GAS6: variants seen among roughly 807,000 people sequenced by gnomAD.
The protein encoded by GAS6 is growth arrest-specific protein 6.
A neutral mutation model predicts 75.8 loss-of-function variants in GAS6; 41 were observed. The observed-to-expected ratio is 0.54, with a 90% confidence interval of 0.42 to 0.70. The LOEUF (loss-of-function observed/expected upper bound fraction) is 0.70. Among genes scored for constraint, GAS6 ranks in the 30% least tolerant of loss-of-function variants. The pLI, the probability that GAS6 is intolerant of heterozygous loss-of-function variation, is 0.00. For synonymous variants in GAS6, 432 were observed against 412.6 expected, an observed-to-expected ratio of 1.05 and a Z score of -0.57; for missense variants, 854 against 940.2, an observed-to-expected ratio of 0.91 and a Z score of 1.20.
rs2051486861 is a variant in GAS6, at chr13:113,823,403, T to TA, written c.1624dup (p.Tyr542LeufsTer44). 2 of 1,611,860 alleles carry TA rather than the reference T, an allele frequency of 1.2e-6. No homozygotes were observed. The highest frequency in any genetic ancestry group is 2.7e-5 in the African/African-American group (2 of 74,912). On this transcript the variant is annotated frameshift_variant, in exon 13 of 15. Coordinates refer to ENST00000327773, the MANE Select transcript of GAS6 (RefSeq NM_000820.4). ...CTTCTTGAGTTTCTTCGTGGAGTGA[T>TA]AGTCTACCAGTGCCACAGAGAGAGG...
At chr13:113,834,488 G>A in intron 8 of GAS6, 63 bp downstream of exon 8, 1 of 1,414,530 alleles carries the variant, frequency 7.1e-7, no homozygotes, top group Non-Finnish European at 9.3e-7. Flanking sequence ...TCTCCCGAAA[G>A]CCCCCACCGG....
intron 6 of GAS6, 172 bp from the exon 7 acceptor site, chr13:113,835,807 C>G (rs970545454): frequency 7.0e-7 from 1 of 1,428,048 alleles, no homozygotes; most frequent in African/African-American, 1.4e-5. Context: ...CGGGCAGCTC[C>G]CGGGGTGTTG....
At chr13:113,835,412 C>T in intron 7 of GAS6, 101 bp downstream of exon 7, 1 of 1,383,124 alleles carries the variant, frequency 7.2e-7, no homozygotes, top group East Asian at 2.3e-5. Flanking sequence ...TTTCTTTCAC[C>T]AGAAGCACCC....
At position 113,823,547 on chromosome 13, in the gene GAS6, C is replaced by T. The variant is rs1197317332; in HGVS notation, c.1481G>A (p.Arg494Gln). ...GFAFYSLDYM[R>Q]TPLDVGTEST... ...TTCAGTCCCGACGTCCAGAGGGGTC[C>T]GCACTGCAATGAAAGCGGTGCATTA... Residue 494 changes from arginine to glutamine, a missense_variant, in exon 13 of 15, where the codon CGG becomes CAG. Physicochemically the swap from Arg to Gln is conservative, Grantham distance 43 (BLOSUM62 1). Transcript: ENST00000327773. 20 of 1,609,500 alleles carry T rather than the reference C, an allele frequency of 1.2e-5. No homozygotes were observed. The highest frequency in any genetic ancestry group is 3.3e-4 in the Middle Eastern group (2 of 6,040).
chr13:113,858,795 CTGTA>C (rs777518136), intron 2 of GAS6, among the ~76,000 whole-genome samples: 85 of 138,066 alleles, frequency 6.2e-4, no homozygotes, highest in East Asian at 5.8e-3. Flanking sequence ...ATGTCTGTGA[CTGTA>C]TGTATGTCTA....
chr13:113,839,848 G>C lies in GAS6; in HGVS notation c.346C>G (p.Leu116Val), dbSNP rs1204277796. 7.4e-6 allele frequency: 12 copies of C among 1,613,664 alleles called. No homozygotes were observed. The highest frequency in any genetic ancestry group is 1.3e-5 in the African/African-American group (1 of 74,934). Residue 116 changes from leucine to valine, a missense_variant and splice_region_variant, in exon 5 of 15, where the codon CTG becomes GTG. By Grantham distance (32) the Leu-to-Val change is conservative. Coordinates refer to ENST00000327773, the MANE Select transcript of GAS6 (RefSeq NM_000820.4). ...NSGFATCVQN[L>V]PDQCTPNPCD... The stretch of plus-strand genomic sequence containing the variant: ...GGGTTGGGCGTGCACTGGTCAGGCA[G>C]GTCTGATTGGGGACACAAAGTGGAA...
rs1360831025 is a variant in GAS6, at chr13:113,820,622, TAGAG to T, written c.*238_*241del. On this transcript the variant is annotated 3_prime_UTR_variant, in exon 15 of 15. Transcript: ENST00000327773. ...AAGAAGCGCTTGGTAATAAAAATAA[TAGAG>T]AATTATTTTCTTCGAGCCCGCTCTG... 2.1e-6 allele frequency: 1 copy of T among 486,978 alleles called. No homozygotes were observed. The highest frequency in any genetic ancestry group is 1.9e-5 in the African/African-American group (1 of 52,708). 30.2% of individuals were successfully genotyped at this position (486,978 alleles called of 1,614,324 possible).
chr13:113,823,199 A>G, intron 13 of GAS6, 176 bp downstream of exon 13: 1 of 640,596 alleles, frequency 1.6e-6, no homozygotes. Context: ...TGTCCAAACA[A>G]CCCCCGCAGC....
At chr13:113,829,833 G>T (rs1441508237) in intron 10 of GAS6, among the ~76,000 whole-genome samples, 1 of 149,398 alleles carries the variant, frequency 6.7e-6, no homozygotes, top group Non-Finnish European at 1.5e-5. Flanking sequence ...CTGACCTCGG[G>T]GAGACCACCT....
At position 113,835,525 on chromosome 13, in the gene GAS6, T is replaced by C; in HGVS notation, c.700A>G (p.Lys234Glu). Residue 234 changes from lysine (K) to glutamate (E), a missense_variant, in exon 7 of 15, where the codon AAG (lysine) becomes GAG (glutamate). By Grantham distance (56) the Lys-to-Glu change is moderately conservative. Transcript: ENST00000327773. ...DEGFAYSSQE[K>E]ACRDVDECLQ... Reference sequence around the variant, plus strand: ...GTGGCGTGGGTACCTCGGCAAGCCTTCTCCTGGGAGCTGTACGCAAAGCCC... The same window carrying C: ...GTGGCGTGGGTACCTCGGCAAGCCTCCTCCTGGGAGCTGTACGCAAAGCCC... 2 of 1,612,256 alleles carry C rather than the reference T, an allele frequency of 1.2e-6. No homozygotes were observed. The highest frequency in any genetic ancestry group is 1.7e-6 in the Non-Finnish European group (2 of 1,179,730).
intron 6 of GAS6, 125 bp from the exon 7 acceptor site, chr13:113,835,760 G>A (rs775381311): frequency 2.2e-5 from 33 of 1,484,722 alleles, no homozygotes; most frequent in African/African-American, 1.3e-4. Flanking sequence ...TGGGGCCAGC[G>A]CGCCCTGGCC....
chr13:113,841,146 G>A (rs7337498), intron 4 of GAS6: 36,961 of 152,180 alleles, frequency 0.24, 4,736 homozygotes, highest in South Asian at 0.38. Flanking sequence ...TGCAGGAGCC[G>A]CTTCCATCCC....
chr13:113,863,576 G>C lies in GAS6; in HGVS notation c.254C>G (p.Thr85Arg). ...AREVFENDPE[T>R]DYFYPRYLDC... ...GCATCCCGCCCGCCGGCTGCTCACC[G>C]TCTCGGGGTCGTTCTCGAACACCTC... The change falls in exon 2 of 15, where the codon ACG (threonine) becomes AGG (arginine). Residue 85 changes from threonine to arginine, a missense_variant and splice_region_variant. Thr to Arg is a moderately conservative substitution (Grantham distance 71). Transcript: ENST00000327773. This position sits in a 1 kb window ranked among gnomAD's most constrained non-coding sequence, Gnocchi z 9.4. 1.3e-6 allele frequency: 2 copies of C among 1,511,350 alleles called. No individual in the cohort carries two copies. Among genetic ancestry groups the C allele is most frequent in the South Asian group, 1.2e-5 (1 of 81,718 alleles). 93.6% of individuals were successfully genotyped at this position (1,511,350 alleles called of 1,614,324 possible).
At chr13:113,841,531 G>GTTTCCTCCATATGCCTCAA (rs2051777667) in intron 4 of GAS6, 4 of 108,840 alleles carry the variant, frequency 3.7e-5, no homozygotes, top group African/African-American at 6.8e-5. Context: ...GTATGCCCCA[G>GTTTCCTCCATATGCCTCAA]TTTCCTCCAT....
At chr13:113,833,668 G>C (rs1277342219) in intron 8 of GAS6, 1 of 1,005,528 alleles carries the variant, frequency 9.9e-7, no homozygotes, top group Non-Finnish European at 1.2e-6. Context: ...TGACAGGTCG[G>C]TGTGACAGAC....
chr13:113,825,536 C>T (rs186006352), intron 12 of GAS6, among the ~76,000 whole-genome samples: 11 of 152,286 alleles, frequency 7.2e-5, no homozygotes, highest in East Asian at 3.9e-4. Context: ...TGCTTCTGTC[C>T]GGATAGACCA....
intron 13 of GAS6, chr13:113,822,388 A>G (rs1349493507): frequency 2.1e-6 from 1 of 481,220 alleles, no homozygotes; most frequent in Non-Finnish European, 3.7e-6. Flanking sequence ...TCTGCACGTA[A>G]AGCCAGGGGC....
Position 113,863,818 on chromosome 13 carries a change from G to A in GAS6, c.88+15C>T, listed in dbSNP as rs1309165220. Reference sequence around the variant, plus strand: ...CCGCCGCCCGGGGACGGGGTCTCGGGCCCGCGGGACTCACCAAGCGCGCAC... The same window carrying A: ...CCGCCGCCCGGGGACGGGGTCTCGGACCCGCGGGACTCACCAAGCGCGCAC... On this transcript the variant is annotated intron_variant, in intron 1 of 14. Coordinates refer to ENST00000327773, the MANE Select transcript of GAS6 (RefSeq NM_000820.4). This position sits in a 1 kb window ranked among gnomAD's most constrained non-coding sequence, Gnocchi z 9.4. The A allele has an allele frequency of 7.3e-7, 1 of 1,376,036 alleles. No homozygotes were observed. The highest frequency in any genetic ancestry group is 1.7e-5 in the South Asian group (1 of 59,986). The allele number at this position is 1,376,036 out of a possible 1,614,324, so 85.2% of individuals were successfully genotyped here.
intron 8 of GAS6, chr13:113,833,037 A>G: frequency 7.6e-7 from 1 of 1,318,574 alleles, no homozygotes; most frequent in Non-Finnish European, 9.7e-7. Context: ...ATTATGAAAT[A>G]TTTCAAGCAT....
Sources: gnomAD v4.1 joint callset for allele counts (sites outside exome capture counted in the v4.1 genomes callset) on GRCh38, gnomAD v4.1.1 for gene constraint, Gnocchi (gnomAD v3.1) non-coding constraint, MANE v1.5 for transcripts, NCBI Gene and HGNC (gene_info 2026-07-23, HGNC 2026-07-21) for gene names.